Variants in KAZN observed in about 807,000 individuals in gnomAD.
KAZN encodes kazrin.
Under a neutral mutation model 87.4 loss-of-function variants are expected in KAZN, and 40 were observed. The observed-to-expected ratio is 0.46, with a 90% CI of 0.36 to 0.60. The LOEUF (loss-of-function observed/expected upper bound fraction) is 0.60, where lower values mean the gene tolerates loss of function less well. KAZN is among the 20% of genes least tolerant of loss of function. The probability of loss-of-function intolerance (pLI) is 0.00; values close to 1 mark genes in which losing one functional copy is unlikely to be tolerated. For synonymous variants in KAZN, 466 were observed against 458.3 expected (o/e 1.02, Z -0.22); for missense variants, 898 against 1,073.9 (o/e 0.84, Z 2.29).
At chr1:14,960,559 C>G in intron 1 of KAZN, 125 bp from the exon 2 acceptor site, 1 of 970,240 alleles carries the variant, frequency 1.0e-6, no homozygotes. Context: ...TCCCTTCACA[C>G]ATGTAGGAAA....
At chr1:14,306,804 T>A (rs1199938976) in intron 2 of KAZN, among the ~76,000 whole-genome samples, 2 of 152,158 alleles carry the variant, frequency 1.3e-5, no homozygotes, top group Admixed American at 1.3e-4. Flanking sequence ...CAGCAGCATC[T>A]CAAAGTTCCT....
intron 2 of KAZN, among the ~76,000 whole-genome samples, chr1:15,032,189 T>TTC (rs1205326056): frequency 8.2e-6 from 1 of 121,268 alleles, no homozygotes; most frequent in Non-Finnish European, 1.7e-5. Context: ...TCTTTTTTTT[T>TTC]TTTTCTTTTT....
intron 2 of KAZN, among the ~76,000 whole-genome samples, chr1:14,441,797 C>T (rs1666721808): frequency 6.6e-6 from 1 of 151,796 alleles, no homozygotes; most frequent in African/African-American, 2.4e-5. Context: ...CTTTTTTTAA[C>T]AAAAAAGAAA....
In KAZN at chr1:14,919,144, T is replaced by G. The variant is rs181733891; in HGVS notation, c.227-41540T>G. Among the ~76,000 whole-genome samples, 274 of 152,198 alleles carry G rather than the reference T, an allele frequency of 1.8e-3. 5 individuals are homozygous for G. Among genetic ancestry groups the G allele is most frequent in the South Asian group, 1.5e-3 (7 of 4,818 alleles). Reference sequence around the variant, plus strand: ...ACCCGCAAAGCCAGCCCTTCGAACCTCCAGAACACTCAGATGCAGAGACAG... The same window carrying G: ...ACCCGCAAAGCCAGCCCTTCGAACCGCCAGAACACTCAGATGCAGAGACAG... On this transcript the variant is annotated intron_variant, in intron 1 of 14. Coordinates refer to ENST00000376030, the MANE Select transcript of KAZN (RefSeq NM_201628.3).
At chr1:15,095,006 G>A in intron 10 of KAZN, 73 bp downstream of exon 10, 5 of 1,059,576 alleles carry the variant, frequency 4.7e-6, no homozygotes, top group Non-Finnish European at 7.0e-6. Flanking sequence ...CACAGGTGGG[G>A]TGAGCGGGGC....
At position 14,948,418 on chromosome 1, in the gene KAZN, C is replaced by T. The variant is rs143430371; in HGVS notation, c.227-12266C>T. On this transcript the variant is annotated intron_variant, in intron 1 of 14. Transcript: ENST00000376030. ...CCTGAGCCCATTGGTAAAGAGAGCA[C>T]CTGGATCCTGGTGCAGAGATTTACC... Among the ~76,000 whole-genome samples the T allele has an allele frequency of 2.6e-4, 40 of 151,796 alleles. No homozygotes were observed. The East Asian group carries it at 6.4e-3, about 24-fold the overall frequency.
At chr1:14,111,740 CTT>C (rs68167208) in intron 1 of KAZN, among the ~76,000 whole-genome samples, 31 of 80,752 alleles carry the variant, frequency 3.8e-4, no homozygotes, top group Non-Finnish European at 3.7e-4. Flanking sequence ...AGATTCTTTT[CTT>C]TTTTTTTTTT....
At chr1:14,417,966 AG>A (rs1197153148) in intron 2 of KAZN, among the ~76,000 whole-genome samples, 25 of 128,720 alleles carry the variant, frequency 1.9e-4, no homozygotes, top group Non-Finnish European at 3.8e-4. Flanking sequence ...ACTGCACTCC[AG>A]GCTGGGCGAC....
At chr1:14,428,159 T>C (rs1382588499) in intron 2 of KAZN, among the ~76,000 whole-genome samples, 1 of 152,212 alleles carries the variant, frequency 6.6e-6, no homozygotes, top group Non-Finnish European at 1.5e-5. Flanking sequence ...ATTCATTTGG[T>C]GAGACGAAGT....
chr1:14,300,855 T>C (rs943907313), intron 2 of KAZN, among the ~76,000 whole-genome samples: 3 of 152,200 alleles, frequency 2.0e-5, no homozygotes, highest in African/African-American at 7.2e-5. Context: ...ATCCTACCTG[T>C]GAACACCATC....
chr1:14,540,804 T>A (rs1672763483), intron 2 of KAZN, among the ~76,000 whole-genome samples: 1 of 152,194 alleles, frequency 6.6e-6, no homozygotes, highest in Non-Finnish European at 1.5e-5. Context: ...ATATGAGTGA[T>A]CTCTACCTTG....
At chr1:14,030,231 G>A (rs1196594041) in intron 1 of KAZN, among the ~76,000 whole-genome samples, 1 of 151,540 alleles carries the variant, frequency 6.6e-6, no homozygotes, top group African/African-American at 2.4e-5. Context: ...TATTCTCTTT[G>A]AAGCAATTGT....
chr1:14,382,564 C>T (rs1414681068), intron 2 of KAZN, among the ~76,000 whole-genome samples: 7 of 146,204 alleles, frequency 4.8e-5, no homozygotes, highest in East Asian at 2.1e-4. Context: ...TGAGAATATG[C>T]GGTGTTTGGT....
chr1:14,537,043 G>C (rs1672543651), intron 2 of KAZN, among the ~76,000 whole-genome samples: 1 of 152,182 alleles, frequency 6.6e-6, no homozygotes, highest in Non-Finnish European at 1.5e-5. Context: ...TCATAGTCCA[G>C]CACTAGCGTG....
intron 1 of KAZN, among the ~76,000 whole-genome samples, chr1:13,961,377 C>T (rs1304204911): frequency 6.6e-6 from 1 of 152,116 alleles, no homozygotes; most frequent in Non-Finnish European, 1.5e-5. Flanking sequence ...GAGAGACAGA[C>T]CATAAACAGG....
At position 14,345,827 on chromosome 1, in the gene KAZN, A is replaced by G. The variant is rs546189631; in HGVS notation, c.249+165235A>G. Among the ~76,000 whole-genome samples the G allele has an allele frequency of 2.0e-5, 3 of 152,174 alleles. No homozygotes were observed. In the South Asian group the frequency reaches 6.2e-4, roughly 32 times the overall value. On this transcript the variant is annotated intron_variant, in intron 2 of 16. Coordinates refer to the KAZN transcript ENST00000636203. The stretch of plus-strand genomic sequence containing the variant: ...ACACCACTGTGCTGGATAATACCTA[A>G]ATTTTTAAAATCAACACATGGAGGG...
intron 2 of KAZN, among the ~76,000 whole-genome samples, chr1:14,404,531 G>T (rs1663676947): frequency 6.6e-6 from 1 of 152,156 alleles, no homozygotes; most frequent in Admixed American, 6.5e-5. Context: ...GCATGCACTA[G>T]AATCCAGCAA....
Position 15,063,587 on chromosome 1 carries a change from C to A in KAZN, c.1063C>A (p.Pro355Thr). The change falls in exon 7 of 15, where the codon CCA becomes ACA. Residue 355 changes from proline to threonine, a missense_variant. Physicochemically the swap from Pro to Thr is conservative, Grantham distance 38. Coordinates refer to ENST00000376030, the MANE Select transcript of KAZN (RefSeq NM_201628.3). ...HSLCNGDSPG[P>T]VQKNLHNPIV... ...CTGGCTACAGGGCGACAGTCCCGGC[C>A]CAGTTCAGAAGAACCTGCACAACCC... The A allele has an allele frequency of 3.7e-6, 6 of 1,614,108 alleles. No individual in the cohort carries two copies. Among genetic ancestry groups the A allele is most frequent in the Non-Finnish European group, 5.1e-6 (6 of 1,179,962 alleles).
intron 2 of KAZN, among the ~76,000 whole-genome samples, chr1:14,300,273 T>TC (rs1388786394): frequency 6.6e-6 from 1 of 151,722 alleles, no homozygotes; most frequent in Non-Finnish European, 1.5e-5. Flanking sequence ...TATTTATTTT[T>TC]TTTTAAGACA....
Sources: allele counts gnomAD v4.1 joint callset (sites outside exome capture counted in the v4.1 genomes callset), GRCh38; gene constraint gnomAD v4.1.1; transcripts MANE v1.5; gene names NCBI Gene and HGNC (gene_info 2026-07-23, HGNC 2026-07-21).